The following TMEM108 variants were observed in gnomAD, a reference collection of about 807,000 sequenced individuals.
TMEM108 encodes cancer/testis antigen 124.
In TMEM108, 12 loss-of-function variants were observed where a neutral mutation model predicts 35.1. The observed-to-expected ratio is 0.34, with a 90% CI of 0.22 to 0.55. The LOEUF (loss-of-function observed/expected upper bound fraction) is 0.55. Ranked by LOEUF, TMEM108 falls within the 20% of genes least tolerant of loss-of-function variation. The probability of loss-of-function intolerance (pLI) is 0.89; values close to 1 mark genes in which losing one functional copy is unlikely to be tolerated. For synonymous variants in TMEM108, 287 were observed against 308.6 expected, an observed-to-expected ratio of 0.93 and a Z score of 0.73; for missense variants, 680 against 753.3, an observed-to-expected ratio of 0.90 and a Z score of 1.14.
At chr3:133,281,809 C>T (rs1449209013) in intron 3 of TMEM108, among the ~76,000 whole-genome samples, 1 of 152,174 alleles carries the variant, frequency 6.6e-6, no homozygotes, top group Non-Finnish European at 1.5e-5. Flanking sequence ...ACTCCTTCTA[C>T]TAGTAAGACT....
chr3:133,086,893 A>G (rs571620956), intron 2 of TMEM108, among the ~76,000 whole-genome samples: 117 of 152,326 alleles, frequency 7.7e-4, no homozygotes, highest in African/African-American at 2.4e-3. Flanking sequence ...TTCCATGGTT[A>G]CAGAAGGATC....
At chr3:133,184,665 A>G (rs975056116) in intron 2 of TMEM108, among the ~76,000 whole-genome samples, 10 of 152,214 alleles carry the variant, frequency 6.6e-5, no homozygotes, top group Non-Finnish European at 1.3e-4. Flanking sequence ...GTATTTTTAA[A>G]TTATGTAATT....
At chr3:133,214,047 T>TC (rs1375282555) in intron 2 of TMEM108, among the ~76,000 whole-genome samples, 2 of 152,172 alleles carry the variant, frequency 1.3e-5, no homozygotes, top group East Asian at 3.8e-4. Flanking sequence ...GAGACAACTC[T>TC]CTCAAATTGA....
intron 1 of TMEM108, among the ~76,000 whole-genome samples, chr3:133,040,435 C>T (rs1168142983): frequency 6.6e-6 from 1 of 151,834 alleles, no homozygotes; most frequent in Admixed American, 6.6e-5. Context: ...GAACTCCTGA[C>T]CTCGTGATCC....
rs567075197 is a variant in TMEM108, at chr3:133,281,312, G to T, written c.40+51961G>T. 2.2e-4 allele frequency among the ~76,000 whole-genome samples: 34 copies of T among 152,222 alleles called. No individual in the cohort carries two copies. In the East Asian group the frequency reaches 5.8e-3, roughly 26 times the overall value. The stretch of plus-strand genomic sequence containing the variant: ...TCATTCTGTTGGAGTTTCTAAATTT[G>T]GTTTTGATGGGAAAATAAATAACCA... On this transcript the variant is annotated intron_variant, in intron 3 of 5. Coordinates refer to ENST00000321871, the MANE Select transcript of TMEM108 (RefSeq NM_023943.4).
chr3:133,047,568 A>T (rs1435058513), intron 2 of TMEM108, among the ~76,000 whole-genome samples: 1 of 151,964 alleles, frequency 6.6e-6, no homozygotes, highest in African/African-American at 2.4e-5. Context: ...GCATTGTAGG[A>T]TGTTCAGCAG....
rs756972876 is a variant in TMEM108 at position 133,392,684 on chromosome 3, TG to T, written c.1605+2351del. The stretch of plus-strand genomic sequence containing the variant: ...AAACCCAAACCTCACATGCAGCTCC[TG>T]ATTACGTAGATGGTACTGCCAGCTG... On this transcript the variant is annotated intron_variant, in intron 5 of 5. Coordinates refer to ENST00000321871, the MANE Select transcript of TMEM108 (RefSeq NM_023943.4). Among the ~76,000 whole-genome samples, 266 of 152,298 alleles carry T rather than the reference TG, an allele frequency of 1.7e-3. 2 individuals carry two copies. Among genetic ancestry groups the T allele is most frequent in the Non-Finnish European group, 2.9e-3 (194 of 68,034 alleles).
intron 3 of TMEM108, among the ~76,000 whole-genome samples, chr3:133,237,164 T>A (rs1334412693): frequency 1.3e-5 from 2 of 152,096 alleles, no homozygotes; most frequent in Non-Finnish European, 2.9e-5. Context: ...CTTCTTCCTT[T>A]TTTTTGTCCA....
chr3:133,224,202 C>T (rs567886204), intron 2 of TMEM108, among the ~76,000 whole-genome samples: 1 of 152,286 alleles, frequency 6.6e-6, no homozygotes, highest in South Asian at 2.1e-4. Context: ...ATGCCTACCA[C>T]ATTCTAAACG....
chr3:133,383,626 T>C (rs1163855551), intron 4 of TMEM108, among the ~76,000 whole-genome samples: 1 of 152,166 alleles, frequency 6.6e-6, no homozygotes. Context: ...TCAGATCTTA[T>C]TGCAAAGCTG....
At chr3:133,179,182 A>G (rs2107800562) in intron 2 of TMEM108, among the ~76,000 whole-genome samples, 1 of 151,230 alleles carries the variant, frequency 6.6e-6, no homozygotes, top group East Asian at 1.9e-4. Flanking sequence ...ATGTGGAGAA[A>G]TAGGAACACT....
At chr3:133,263,642 C>T (rs1946656168) in intron 3 of TMEM108, among the ~76,000 whole-genome samples, 1 of 152,150 alleles carries the variant, frequency 6.6e-6, no homozygotes. Flanking sequence ...GACTTCTAAA[C>T]AGTGAAGTAG....
At chr3:133,260,970 C>G (rs988524801) in intron 3 of TMEM108, among the ~76,000 whole-genome samples, 2 of 152,076 alleles carry the variant, frequency 1.3e-5, no homozygotes, top group Admixed American at 6.5e-5. Flanking sequence ...TAAAAGATGT[C>G]CTAACCAGAT....
chr3:133,133,670 C>G (rs1006731135), intron 2 of TMEM108, among the ~76,000 whole-genome samples: 1 of 144,876 alleles, frequency 6.9e-6, no homozygotes. Flanking sequence ...GCAGAGTTTT[C>G]TTTTTTTTTC....
At chr3:133,243,902 G>A (rs1010227941) in intron 3 of TMEM108, among the ~76,000 whole-genome samples, 14 of 152,220 alleles carry the variant, frequency 9.2e-5, no homozygotes, top group African/African-American at 3.4e-4. Context: ...AGAGTCCTGT[G>A]GAGTGACTTA....
intron 3 of TMEM108, among the ~76,000 whole-genome samples, chr3:133,240,369 A>G (rs1428713246): frequency 1.3e-5 from 2 of 152,246 alleles, no homozygotes; most frequent in Admixed American, 6.5e-5. Context: ...TTAAATTTGC[A>G]TAAGTCAACA....
At chr3:133,197,605 C>A (rs1945597606) in intron 2 of TMEM108, among the ~76,000 whole-genome samples, 1 of 152,128 alleles carries the variant, frequency 6.6e-6, no homozygotes, top group Non-Finnish European at 1.5e-5. Flanking sequence ...TATGTGGGCC[C>A]AACTAACTCC....
At chr3:133,055,338 C>T (rs1163953128) in intron 2 of TMEM108, among the ~76,000 whole-genome samples, 1 of 152,112 alleles carries the variant, frequency 6.6e-6, no homozygotes, top group Non-Finnish European at 1.5e-5. Flanking sequence ...TCTACAAAAA[C>T]AAAACAAAAT....
intron 3 of TMEM108, among the ~76,000 whole-genome samples, chr3:133,314,048 A>C (rs2699869): frequency 0.56 from 84,742 of 151,756 alleles, 23,579 homozygotes; most frequent in South Asian, 0.61. Flanking sequence ...ATCTCTAGTC[A>C]AAAAAACTTC....
Sources: gnomAD v4.1 joint callset for allele counts (sites outside exome capture counted in the v4.1 genomes callset) on GRCh38, gnomAD v4.1.1 for gene constraint, MANE v1.5 for transcripts, NCBI Gene and HGNC (gene_info 2026-07-23, HGNC 2026-07-21) for gene names.